Variants in RSPH9 observed in about 807,000 individuals in gnomAD.
RSPH9 encodes radial spoke head component 9, also known as radial spoke head protein 9 homolog.
A neutral mutation model predicts 27.0 loss-of-function variants in RSPH9; 27 were observed. That is an observed-to-expected ratio of 1.00 (90% CI 0.74 to 1.38). The LOEUF (loss-of-function observed/expected upper bound fraction) is 1.38, where lower values mean the gene tolerates loss of function less well. RSPH9 is among the 40% of genes most tolerant of loss of function. The pLI is 0.00. For synonymous variants in RSPH9, 145 were observed against 147.7 expected, an observed-to-expected ratio of 0.98 and a Z score of 0.13; for missense variants, 347 against 357.4, an observed-to-expected ratio of 0.97 and a Z score of 0.24.
In RSPH9 at chr6:43,650,402, GC is replaced by G. The variant is rs1462698154; in HGVS notation, c.260del (p.Pro87LeufsTer13). ...SLNCTEWSLL[P>X]PATEEMVAQS... ...TGAACTGCACAGAGTGGAGCCTCTT[GC>G]CCCCTGCCACAGAGGAGATGGTGGC... On this transcript the variant is annotated frameshift_variant, in exon 2 of 5. Coordinates refer to ENST00000372163, the MANE Select transcript of RSPH9 (RefSeq NM_152732.5). LOFTEE classifies it high-confidence loss of function. 6.2e-7 allele frequency: 1 copy of G among 1,613,482 alleles called. No homozygotes were observed. Among genetic ancestry groups the G allele is most frequent in the African/African-American group, 1.3e-5 (1 of 74,918 alleles).
At position 43,671,600 on chromosome 6, in the gene RSPH9, G is replaced by C; in HGVS notation, c.*651G>C. 1 of 788,492 alleles carries C rather than the reference G, an allele frequency of 1.3e-6. No individual in the cohort carries two copies. Among genetic ancestry groups the C allele is most frequent in the Non-Finnish European group, 2.0e-6 (1 of 492,214 alleles). 48.8% of individuals were successfully genotyped at this position (788,492 alleles called of 1,614,324 possible). Reference sequence around the variant, plus strand: ...CCAGCATTGCTACTGTGCAGGCCAAGGGTACTGAAGTTAGTCCCACTGTCC... The same window carrying C: ...CCAGCATTGCTACTGTGCAGGCCAACGGTACTGAAGTTAGTCCCACTGTCC... On this transcript the variant is annotated 3_prime_UTR_variant, in exon 5 of 5. Coordinates refer to ENST00000372163, the MANE Select transcript of RSPH9 (RefSeq NM_152732.5).
intron 2 of RSPH9, among the ~76,000 whole-genome samples, chr6:43,654,250 T>C (rs569187864): frequency 6.6e-6 from 1 of 152,218 alleles, no homozygotes; most frequent in South Asian, 2.1e-4. Context: ...GAAATCCTTT[T>C]GTTCAGAGTT....
chr6:43,660,191 C>T (rs771548581), intron 4 of RSPH9, among the ~76,000 whole-genome samples: 6 of 151,638 alleles, frequency 4.0e-5, no homozygotes, highest in Non-Finnish European at 5.9e-5. Context: ...TACAGGCATG[C>T]GCCACGATGC....
At chr6:43,666,001 T>C (rs1007814163) in intron 4 of RSPH9, among the ~76,000 whole-genome samples, 3 of 152,030 alleles carry the variant, frequency 2.0e-5, no homozygotes, top group African/African-American at 4.8e-5. Flanking sequence ...AGTTTTTGTA[T>C]TTTTTGTAGA....
At chr6:43,661,984 C>T (rs1016506747) in intron 4 of RSPH9, among the ~76,000 whole-genome samples, 5 of 152,174 alleles carry the variant, frequency 3.3e-5, no homozygotes, top group African/African-American at 1.2e-4. Context: ...ACTTCCCAGG[C>T]TCAAGTGATC....
chr6:43,664,735 G>A (rs577147770), intron 4 of RSPH9, among the ~76,000 whole-genome samples: 10 of 152,278 alleles, frequency 6.6e-5, no homozygotes, highest in African/African-American at 2.4e-4. Flanking sequence ...GAGGGTCTCC[G>A]GACAAGTAGG....
chr6:43,663,510 C>T lies in RSPH9; in HGVS notation c.670+6787C>T, dbSNP rs377113720. ...CTGGGATTGCAGGAAAGAACCAATG[C>T]GCCCAGCCTCTGTAGAGTTATTAAT... On this transcript the variant is annotated intron_variant, in intron 4 of 4. Coordinates refer to ENST00000372163, the MANE Select transcript of RSPH9 (RefSeq NM_152732.5). Among the ~76,000 whole-genome samples the T allele has an allele frequency of 1.2e-3, 181 of 152,274 alleles. No homozygotes were observed. In the South Asian group the frequency reaches 0.014, roughly 12 times the overall value.
At position 43,670,838 on chromosome 6, in the gene RSPH9, C is replaced by T. The variant is rs749404508; in HGVS notation, c.720C>T (p.Arg240=). The change falls in exon 5 of 5, where the codon CGC becomes CGT. Residue 240 remains arginine, a synonymous_variant. Transcript: ENST00000372163. ...GGGGCAATGCCCTGGTGGTGCTGCG[C>T]AGCCTGCTCTGGCCGGGCCTCACCT... is the stretch of plus-strand genomic sequence containing the variant. ...MERGNALVVL[R]SLLWPGLTFY... The T allele has an allele frequency of 2.5e-5, 40 of 1,614,224 alleles. 1 individual carries two copies. The South Asian group carries it at 4.3e-4, about 17-fold the overall frequency.
intron 1 of RSPH9, among the ~76,000 whole-genome samples, chr6:43,646,101 C>T (rs145845015): frequency 2.0e-4 from 31 of 151,288 alleles, no homozygotes; most frequent in African/African-American, 6.6e-4. Context: ...ATTACAGGCA[C>T]GTGCCACCAC....
Position 43,663,227 on chromosome 6 carries a change from A to AT in RSPH9, c.670+6513dup, listed in dbSNP as rs111655173. Among the ~76,000 whole-genome samples, 16 of 149,772 alleles carry AT rather than the reference A, an allele frequency of 1.1e-4. No homozygotes were observed. In the East Asian group the frequency reaches 2.0e-3, roughly 18 times the overall value. On this transcript the variant is annotated intron_variant, in intron 4 of 4. Transcript: ENST00000372163. ...CTATTGTAGAGTTATTTTATTTTTT[A>AT]TTTTTTTTTGAGACAGAGTCTCACT...
At chr6:43,650,050 A>G (rs1392711295) in intron 1 of RSPH9, among the ~76,000 whole-genome samples, 2 of 152,058 alleles carry the variant, frequency 1.3e-5, no homozygotes, top group Non-Finnish European at 2.9e-5. Flanking sequence ...AGTAGCTGGG[A>G]CTACAGGCAT....
intron 1 of RSPH9, 36 bp downstream of exon 1, chr6:43,645,361 G>A: frequency 3.5e-6 from 5 of 1,417,238 alleles, no homozygotes; most frequent in East Asian, 2.4e-5. Flanking sequence ...CCCAGAGGGT[G>A]GCTACCTGGA....
At chr6:43,652,498 T>C (rs1312355779) in intron 2 of RSPH9, among the ~76,000 whole-genome samples, 1 of 151,460 alleles carries the variant, frequency 6.6e-6, no homozygotes, top group Non-Finnish European at 1.5e-5. Context: ...TGATCTTGGT[T>C]CACTGCAACC....
At chr6:43,646,567 A>T (rs1770890676) in intron 1 of RSPH9, among the ~76,000 whole-genome samples, 1 of 149,064 alleles carries the variant, frequency 6.7e-6, no homozygotes, top group African/African-American at 2.5e-5. Context: ...GTGAGCCACC[A>T]TGCCCGGCCA....
chr6:43,658,381 T>G (rs1327586530), intron 4 of RSPH9, among the ~76,000 whole-genome samples: 1 of 151,212 alleles, frequency 6.6e-6, no homozygotes, highest in Non-Finnish European at 1.5e-5. Flanking sequence ...CATAATAAAG[T>G]GAACATCGCA....
intron 4 of RSPH9, among the ~76,000 whole-genome samples, chr6:43,666,866 G>C (rs556087864): frequency 1.3e-5 from 2 of 152,124 alleles, no homozygotes; most frequent in Non-Finnish European, 2.9e-5. Flanking sequence ...TCCTGCCTCC[G>C]TCTCCCAAGT....
intron 4 of RSPH9, among the ~76,000 whole-genome samples, chr6:43,670,173 G>A (rs984668086): frequency 1.3e-5 from 2 of 152,238 alleles, no homozygotes; most frequent in South Asian, 2.1e-4. Context: ...CCCTCTGCCT[G>A]TGGATTGGAT....
At chr6:43,665,491 G>A (rs1773048043) in intron 4 of RSPH9, among the ~76,000 whole-genome samples, 1 of 152,212 alleles carries the variant, frequency 6.6e-6, no homozygotes, top group Non-Finnish European at 1.5e-5. Flanking sequence ...CCACTCTGAT[G>A]TGTCCAGTTG....
intron 4 of RSPH9, 52 bp downstream of exon 4, chr6:43,656,775 T>C (rs534225161): frequency 6.3e-7 from 1 of 1,584,564 alleles, no homozygotes; most frequent in African/African-American, 1.3e-5. Context: ...GCCATAGCAG[T>C]GGGCCATGCC....
Sources: allele counts gnomAD v4.1 joint callset (sites outside exome capture counted in the v4.1 genomes callset), GRCh38; gene constraint gnomAD v4.1.1; transcripts MANE v1.5; gene names NCBI Gene and HGNC (gene_info 2026-07-23, HGNC 2026-07-21).